The following ANK2 variants were observed in gnomAD, a reference collection of about 807,000 sequenced individuals.
The protein encoded by ANK2 is ankyrin 2.
Under a neutral mutation model 360.5 loss-of-function variants are expected in ANK2, and 83 were observed. The ratio of observed to expected loss-of-function variants is 0.23; its 90% CI spans 0.19 to 0.28. The LOEUF is 0.28. Ranked by LOEUF, ANK2 falls within the 10% of genes least tolerant of loss-of-function variation. ANK2 has a pLI of 1.00. For missense variants in ANK2, 4,201 were observed against 4,795.7 expected, an observed-to-expected ratio of 0.88 and a Z score of 3.66; for synonymous variants, 1,740 against 1,759.5, an observed-to-expected ratio of 0.99 and a Z score of 0.28.
chr4:113,364,039 C>A (rs1041228550), intron 40 of ANK2, among the ~76,000 whole-genome samples: 1 of 152,112 alleles, frequency 6.6e-6, no homozygotes, highest in Non-Finnish European at 1.5e-5. Context: ...AAGTACTCAG[C>A]GAGCCCACCA....
At chr4:113,099,681 A>G (rs1282074449) in intron 1 of ANK2, among the ~76,000 whole-genome samples, 4 of 152,028 alleles carry the variant, frequency 2.6e-5, no homozygotes, top group Non-Finnish European at 5.9e-5. Context: ...TAAACACAAT[A>G]TGGAAGAAAA....
chr4:113,051,607 T>A (rs182631795), intron 1 of ANK2, among the ~76,000 whole-genome samples: 25 of 152,256 alleles, frequency 1.6e-4, no homozygotes, highest in African/African-American at 5.8e-4. Context: ...AAGAAATTGC[T>A]TTTGAAAAAA....
At chr4:112,904,209 C>A (rs373139671) in intron 1 of ANK2, among the ~76,000 whole-genome samples, 75 of 152,230 alleles carry the variant, frequency 4.9e-4, no homozygotes, top group African/African-American at 1.6e-3. Flanking sequence ...AAATCTATTT[C>A]TCTTACAGAT....
chr4:112,895,671 AG>A (rs2081522748), intron 1 of ANK2, among the ~76,000 whole-genome samples: 1 of 152,194 alleles, frequency 6.6e-6, no homozygotes, highest in East Asian at 1.9e-4. Flanking sequence ...AATCATGCCA[AG>A]AAGCCAAAGG....
intron 2 of ANK2, among the ~76,000 whole-genome samples, chr4:113,012,553 A>G (rs1043917768): frequency 3.3e-5 from 5 of 152,196 alleles, no homozygotes; most frequent in African/African-American, 1.2e-4. Context: ...CGGTGTTTCA[A>G]GTGAGATACC....
At position 113,330,383 on chromosome 4, in the gene ANK2, G is replaced by C. The variant is rs2153925123; in HGVS notation, c.3038G>C (p.Arg1013Thr). Residue 1013 changes from arginine to threonine, a missense_variant, in exon 27 of 46, where the codon AGA becomes ACA. Coordinates refer to ENST00000357077, the MANE Select transcript of ANK2 (RefSeq NM_001148.6). Reference protein sequence around the residue: ...RVTCRLVKRHRLATMPPMVEG... With the variant: ...RVTCRLVKRHTLATMPPMVEG... ...ACCTGCCGACTGGTCAAGCGCCACA[G>C]ACTGGCAACAATGCCTCCAATGGTG... 1.2e-6 allele frequency: 2 copies of C among 1,614,236 alleles called. No homozygotes were observed. Among genetic ancestry groups the C allele is most frequent in the Non-Finnish European group, 1.7e-6 (2 of 1,180,046 alleles).
intron 1 of ANK2, among the ~76,000 whole-genome samples, chr4:112,818,927 C>T (rs1157256781): frequency 5.9e-5 from 9 of 152,092 alleles, no homozygotes; most frequent in Non-Finnish European, 4.4e-5. Flanking sequence ...GCATCGAAAG[C>T]CCAATTAAGG....
In ANK2 at chr4:113,355,679, G is replaced by A. The variant is rs139616911; in HGVS notation, c.7061G>A (p.Arg2354His). The A allele has an allele frequency of 1.7e-5, 27 of 1,614,002 alleles. No homozygotes were observed. The African/African-American group carries it at 2.5e-4, about 15-fold the overall frequency. ...TEEAACDEGQRTFGSSAHKTQ... is the reference protein window; with the variant it reads ...TEEAACDEGQHTFGSSAHKTQ... ...GAGGCAGCCTGTGATGAAGGTCAAC[G>A]TACCTTTGGTAGTTCAGCCCACAAG... is the stretch of plus-strand genomic sequence containing the variant. Residue 2354 changes from arginine to histidine, a missense_variant, in exon 38 of 46, where the codon CGT becomes CAT. Around this residue, in one of 4 missense-constraint regions of ANK2, gnomAD observed 2,642 missense variants for 2,714.5 expected, o/e 0.97. Transcript: ENST00000357077.
At chr4:113,376,698 C>T (rs1248959687) in intron 45 of ANK2, among the ~76,000 whole-genome samples, 1 of 151,968 alleles carries the variant, frequency 6.6e-6, no homozygotes, top group Admixed American at 6.6e-5. Context: ...GATGCAAACA[C>T]ATTGCACAGG....
intron 27 of ANK2, 72 bp downstream of exon 27, chr4:113,330,542 G>T: frequency 6.6e-7 from 1 of 1,506,790 alleles, no homozygotes; most frequent in South Asian, 1.2e-5. Flanking sequence ...TCACTAGGAT[G>T]GAATGGAAAA....
chr4:113,008,837 C>T (rs2053782937), intron 2 of ANK2, among the ~76,000 whole-genome samples: 1 of 152,020 alleles, frequency 6.6e-6, no homozygotes, highest in Non-Finnish European at 1.5e-5. Context: ...TGGATAGGAG[C>T]AGTCCAGTCC....
At chr4:113,048,312 G>A (rs1467596728), upstream of ANK2, among the ~76,000 whole-genome samples, 3 of 101,860 alleles carry the variant, frequency 2.9e-5, no homozygotes, top group Admixed American at 3.6e-4. Flanking sequence ...TTTTTTTCAA[G>A]GCGGAGTCTT....
At chr4:113,107,504 A>G (rs1004839208) in intron 1 of ANK2, among the ~76,000 whole-genome samples, 2 of 152,210 alleles carry the variant, frequency 1.3e-5, no homozygotes, top group African/African-American at 4.8e-5. Flanking sequence ...GGCATGAGCC[A>G]CCGCGCCCAG....
At position 113,282,879 on chromosome 4, in the gene ANK2, T is replaced by A. The variant is rs2062922332; in HGVS notation, c.2079+7T>A. ...TATCCACATGTCAACTAAGGTATTC[T>A]GTCCTTTCTTGCATCAATCAAGAGT... On this transcript the variant is annotated splice_region_variant and intron_variant, in intron 18 of 45. Transcript: ENST00000357077. 6.2e-7 allele frequency: 1 copy of A among 1,613,608 alleles called. No homozygotes were observed. Among genetic ancestry groups the A allele is most frequent in the Non-Finnish European group, 8.5e-7 (1 of 1,179,736 alleles).
At chr4:112,725,333 A>G in the ANK2 span, among the ~76,000 whole-genome samples, 1 of 139,558 alleles carries the variant, frequency 7.2e-6, no homozygotes, top group South Asian at 2.3e-4. Flanking sequence ...ATGCTACAAC[A>G]TGGATGAGCC....
intron 1 of ANK2, among the ~76,000 whole-genome samples, chr4:113,144,967 G>T (rs891500628): frequency 6.6e-6 from 1 of 151,754 alleles, no homozygotes; most frequent in Non-Finnish European, 1.5e-5. Flanking sequence ...GCTCATCTCA[G>T]TGGGAAACAA....
At position 113,363,413 on chromosome 4, in the gene ANK2, A is replaced by G; in HGVS notation, c.10832A>G (p.Asp3611Gly). Residue 3611 changes from aspartate (D) to glycine (G), a missense_variant, in exon 40 of 46, where the codon GAC becomes GGC. Asp to Gly is a moderately conservative substitution (Grantham distance 94, BLOSUM62 -1). Around this residue, in one of 4 missense-constraint regions of ANK2, gnomAD observed 2,642 missense variants for 2,714.5 expected, o/e 0.97. Transcript: ENST00000357077. ...IRIENPNSLQ[D>G]QSHALLKYWL... ...ATTGAAAATCCCAACTCTCTTCAAGACCAGAGTCATGCACTGTTGAAGTAC... is the reference window on the plus strand; with the variant it reads ...ATTGAAAATCCCAACTCTCTTCAAGGCCAGAGTCATGCACTGTTGAAGTAC... The G allele has an allele frequency of 1.2e-6, 2 of 1,613,588 alleles. No homozygotes were observed. The highest frequency in any genetic ancestry group is 1.7e-6 in the Non-Finnish European group (2 of 1,179,696).
At chr4:113,336,908 T>C in intron 31 of ANK2, 127 bp downstream of exon 31, 1 of 901,682 alleles carries the variant, frequency 1.1e-6, no homozygotes, top group Admixed American at 2.0e-5. Flanking sequence ...GAATACATTT[T>C]AATTAACTAG....
intron 1 of ANK2, among the ~76,000 whole-genome samples, chr4:113,165,792 T>C (rs1449618291): frequency 2.6e-5 from 4 of 152,240 alleles, no homozygotes; most frequent in African/African-American, 9.6e-5. Flanking sequence ...AGCTGAGGCC[T>C]CTCAAAGAGT....
Sources: gnomAD v4.1 joint callset for allele counts (sites outside exome capture counted in the v4.1 genomes callset) on GRCh38, gnomAD v4.1.1 for gene constraint, gnomAD v4.1.1 regional missense constraint, MANE v1.5 for transcripts, NCBI Gene and HGNC (gene_info 2026-07-23, HGNC 2026-07-21) for gene names.